Variants in ROR1 observed in about 807,000 individuals in gnomAD.
ROR1 encodes ROR family WNT receptor 1.
ROR1 carries 19 observed loss-of-function variants against 78.8 expected under a neutral mutation model. The ratio of observed to expected loss-of-function variants is 0.24; its 90% CI spans 0.17 to 0.35. ROR1 has a LOEUF of 0.35. Among genes scored for constraint, ROR1 ranks in the 10% least tolerant of loss-of-function variants. The pLI is 1.00. For synonymous variants in ROR1, 386 were observed against 433.6 expected, an observed-to-expected ratio of 0.89 and a Z score of 1.36; for missense variants, 917 against 1,177.8, an observed-to-expected ratio of 0.78 and a Z score of 3.24.
At chr1:64,107,368 A>C (rs1233354359) in intron 4 of ROR1, among the ~76,000 whole-genome samples, 1 of 152,234 alleles carries the variant, frequency 6.6e-6, no homozygotes, top group African/African-American at 2.4e-5. Context: ...GTCAAGTGCT[A>C]TACAAATGTG....
intron 1 of ROR1, among the ~76,000 whole-genome samples, chr1:63,936,641 C>T (rs1645796349): frequency 6.6e-6 from 1 of 152,196 alleles, no homozygotes; most frequent in African/African-American, 2.4e-5. Context: ...TCAAGTCACA[C>T]ACCACACAAT....
At chr1:64,018,102 C>G (rs570798593) in intron 2 of ROR1, among the ~76,000 whole-genome samples, 2 of 152,264 alleles carry the variant, frequency 1.3e-5, no homozygotes, top group South Asian at 4.1e-4. Flanking sequence ...CAAGGTACTT[C>G]CAGAAACCTA....
chr1:64,162,647 T>C (rs1649978613), intron 8 of ROR1, among the ~76,000 whole-genome samples: 1 of 152,234 alleles, frequency 6.6e-6, no homozygotes. Flanking sequence ...CATTCAAGTA[T>C]AAGACTGTTT....
At chr1:64,000,601 A>G (rs2100532175) in intron 1 of ROR1, among the ~76,000 whole-genome samples, 1 of 152,348 alleles carries the variant, frequency 6.6e-6, no homozygotes, top group African/African-American at 2.4e-5. Flanking sequence ...CTTGTCTTTA[A>G]CAAACAAAAC....
chr1:64,176,763 A>G (rs1196975011), intron 8 of ROR1, among the ~76,000 whole-genome samples: 3 of 152,272 alleles, frequency 2.0e-5, no homozygotes, highest in African/African-American at 7.2e-5. Flanking sequence ...AGACCTTCCC[A>G]TCTCTATTGT....
chr1:63,952,937 A>G (rs528230844), intron 1 of ROR1, among the ~76,000 whole-genome samples: 36 of 152,292 alleles, frequency 2.4e-4, no homozygotes, highest in African/African-American at 8.7e-4. Flanking sequence ...CATAGCAAAC[A>G]CACTGTTTTT....
intron 4 of ROR1, among the ~76,000 whole-genome samples, chr1:64,098,473 G>C (rs962263622): frequency 1.3e-5 from 2 of 152,160 alleles, no homozygotes; most frequent in African/African-American, 2.4e-5. Flanking sequence ...CACCTCTGCT[G>C]CCCCTCCACA....
intron 4 of ROR1, among the ~76,000 whole-genome samples, chr1:64,088,726 C>T (rs1315998633): frequency 1.3e-5 from 2 of 152,034 alleles, no homozygotes; most frequent in Non-Finnish European, 2.9e-5. Context: ...AAATATGACC[C>T]TTAGTATCTG....
chr1:63,810,152 A>G (rs1423449622), intron 1 of ROR1, among the ~76,000 whole-genome samples: 1 of 152,192 alleles, frequency 6.6e-6, no homozygotes, highest in Non-Finnish European at 1.5e-5. Context: ...AATTTAGTGC[A>G]TATGTTCATT....
At chr1:63,894,673 A>G (rs993852989) in intron 1 of ROR1, among the ~76,000 whole-genome samples, 5 of 152,184 alleles carry the variant, frequency 3.3e-5, no homozygotes, top group Non-Finnish European at 7.4e-5. Context: ...TTTATTGTTT[A>G]TACACCAAAA....
chr1:64,006,792 G>A (rs1443775447), intron 1 of ROR1, among the ~76,000 whole-genome samples: 1 of 152,128 alleles, frequency 6.6e-6, no homozygotes, highest in Non-Finnish European at 1.5e-5. Context: ...TCTAGGACTA[G>A]GAAAGAGGTA....
chr1:63,844,663 G>C (rs1268595280), intron 1 of ROR1, among the ~76,000 whole-genome samples: 1 of 152,146 alleles, frequency 6.6e-6, no homozygotes, highest in Non-Finnish European at 1.5e-5. Context: ...CTGGGGCTGA[G>C]GTGAGAATTA....
chr1:63,937,223 T>C (rs2100451841), intron 1 of ROR1, among the ~76,000 whole-genome samples: 1 of 152,320 alleles, frequency 6.6e-6, no homozygotes, highest in African/African-American at 2.4e-5. Flanking sequence ...TGCTTTGCAC[T>C]TCTCAGTGAG....
chr1:63,949,464 C>T (rs906837850), intron 1 of ROR1, among the ~76,000 whole-genome samples: 11 of 152,130 alleles, frequency 7.2e-5, no homozygotes, highest in African/African-American at 2.4e-4. Context: ...GAAACCTGAA[C>T]TTATTTCATT....
chr1:64,020,989 A>G (rs1041840084), intron 2 of ROR1, among the ~76,000 whole-genome samples: 3 of 151,634 alleles, frequency 2.0e-5, no homozygotes, highest in South Asian at 2.1e-4. Flanking sequence ...ATGCTTAAGT[A>G]TCTCTTTGTC....
intron 4 of ROR1, among the ~76,000 whole-genome samples, chr1:64,126,544 T>C (rs151069007): frequency 5.9e-5 from 9 of 152,174 alleles, no homozygotes; most frequent in Non-Finnish European, 7.4e-5. Context: ...AAGGTTAGAA[T>C]TGGAAAGAAC....
chr1:64,113,017 A>G (rs1287358183), intron 4 of ROR1, among the ~76,000 whole-genome samples: 2 of 152,154 alleles, frequency 1.3e-5, no homozygotes, highest in Non-Finnish European at 2.9e-5. Context: ...GCATAATTTA[A>G]TGAAACAGTT....
chr1:63,930,532 C>A (rs1265601704), intron 1 of ROR1, among the ~76,000 whole-genome samples: 1 of 152,202 alleles, frequency 6.6e-6, no homozygotes, highest in Non-Finnish European at 1.5e-5. Flanking sequence ...GTTGGCCAGT[C>A]TTCCAGCTGC....
chr1:63,796,920 T>C (rs1277252365), intron 1 of ROR1, among the ~76,000 whole-genome samples: 1 of 152,168 alleles, frequency 6.6e-6, no homozygotes, highest in Non-Finnish European at 1.5e-5. Flanking sequence ...TCATCGGTGA[T>C]GAGAAAAATG....
Sources: gnomAD v4.1 joint callset for allele counts (sites outside exome capture counted in the v4.1 genomes callset) on GRCh38, gnomAD v4.1.1 for gene constraint, MANE v1.5 for transcripts, NCBI Gene and HGNC (gene_info 2026-07-23, HGNC 2026-07-21) for gene names.